MXI1: variants seen among roughly 807,000 people sequenced by gnomAD.
The protein encoded by MXI1 is max-interacting protein 1.
Under a neutral mutation model 36.9 loss-of-function variants are expected in MXI1, and 18 were observed. The ratio of observed to expected loss-of-function variants is 0.49; its 90% CI spans 0.34 to 0.72. The LOEUF (loss-of-function observed/expected upper bound fraction) is 0.72. Ranked by LOEUF, MXI1 falls within the 30% of genes least tolerant of loss-of-function variation. The pLI, the probability that MXI1 is intolerant of heterozygous loss-of-function variation, is 0.01. For missense variants in MXI1, 304 were observed against 379.1 expected, an observed-to-expected ratio of 0.80 and a Z score of 1.64; for synonymous variants, 160 against 146.7, an observed-to-expected ratio of 1.09 and a Z score of -0.65.
chr10:110,256,445 A>T (rs1423608639), intron 3 of MXI1, among the ~76,000 whole-genome samples: 2 of 151,490 alleles, frequency 1.3e-5, no homozygotes, highest in African/African-American at 4.9e-5. Context: ...CGCTACTAAA[A>T]ATACAAAATT....
intron 5 of MXI1, among the ~76,000 whole-genome samples, chr10:110,282,202 G>GTT (rs1263085579): frequency 6.6e-6 from 1 of 152,154 alleles, no homozygotes; most frequent in Non-Finnish European, 1.5e-5. Flanking sequence ...ATGAACTCAT[G>GTT]TTTTGCTGTA....
intron 2 of MXI1, among the ~76,000 whole-genome samples, chr10:110,235,679 C>G (rs188839405): frequency 1.4e-5 from 2 of 146,086 alleles, no homozygotes; most frequent in South Asian, 4.6e-4. Context: ...CAGAGCAAGA[C>G]TCTGTCTCAA....
At chr10:110,219,829 T>G (rs1414371756) in intron 1 of MXI1, among the ~76,000 whole-genome samples, 3 of 152,266 alleles carry the variant, frequency 2.0e-5, no homozygotes, top group Admixed American at 2.0e-4. Context: ...GAATATTTAT[T>G]GAATAAATGA....
At chr10:110,272,632 A>G (rs949538213) in intron 3 of MXI1, among the ~76,000 whole-genome samples, 38 of 152,074 alleles carry the variant, frequency 2.5e-4, no homozygotes, top group African/African-American at 9.1e-4. Context: ...TTTAATTCTT[A>G]TTTGTATACA....
rs1857436519 is a variant in MXI1 at position 110,286,918 on chromosome 10, CA to C, written c.*1933del. 1 of 152,192 alleles carries C rather than the reference CA, an allele frequency of 6.6e-6. No individual in the cohort carries two copies. The highest frequency in any genetic ancestry group is 1.5e-5 in the Non-Finnish European group (1 of 68,028). 9.4% of individuals were successfully genotyped at this position (152,192 alleles called of 1,614,324 possible). A position where few individuals can be genotyped will look rare whatever the true frequency, so the allele number is the denominator to read the frequency against. On this transcript the variant is annotated 3_prime_UTR_variant, in exon 6 of 6. Coordinates refer to ENST00000332674, the MANE Select transcript of MXI1 (RefSeq NM_130439.3). ...GGACTTAATGAAAAACAGGACAAAA[CA>C]ATTCCTTTTTGTGGCCCAGGTAAAT...
chr10:110,209,956 TGGA>T (rs1226200494), intron 1 of MXI1, among the ~76,000 whole-genome samples: 2 of 137,688 alleles, frequency 1.5e-5, no homozygotes, highest in African/African-American at 5.5e-5. Context: ...GCGAGGTGTA[TGGA>T]GGAGGCGGTC....
chr10:110,254,048 A>C (rs1280447876), intron 3 of MXI1, among the ~76,000 whole-genome samples: 2 of 152,130 alleles, frequency 1.3e-5, no homozygotes, highest in African/African-American at 2.4e-5. Flanking sequence ...AGAAAGAAGT[A>C]AAACCATTTC....
intron 2 of MXI1, among the ~76,000 whole-genome samples, chr10:110,236,807 A>G (rs1484928409): frequency 6.6e-6 from 1 of 152,236 alleles, no homozygotes; most frequent in Non-Finnish European, 1.5e-5. Flanking sequence ...TTTCTACAAC[A>G]GAGCCTGCTG....
rs1415436473 is a variant in MXI1 at position 110,279,419 on chromosome 10, GTCTT to G, written c.552+129_552+132del. The G allele has an allele frequency of 2.3e-5, 18 of 773,008 alleles. No individual in the cohort carries two copies. In the East Asian group the frequency reaches 4.7e-4, roughly 20 times the overall value. The allele number at this position is 773,008 out of a possible 1,614,324, so 47.9% of individuals were successfully genotyped here. ...TCCTTAATAACTGACCTCAAGAGAA[GTCTT>G]TCTAAAAACTTACCAGCTAATCTGA... On this transcript the variant is annotated intron_variant, in intron 4 of 5. Coordinates refer to ENST00000332674, the MANE Select transcript of MXI1 (RefSeq NM_130439.3).
intron 1 of MXI1, among the ~76,000 whole-genome samples, chr10:110,208,788 C>T (rs1174966629): frequency 1.3e-5 from 2 of 151,332 alleles, no homozygotes; most frequent in African/African-American, 4.9e-5. Context: ...GCAACGCCAG[C>T]AGCTCGCCCC....
chr10:110,277,237 G>A (rs998174810), intron 3 of MXI1, among the ~76,000 whole-genome samples: 5 of 152,204 alleles, frequency 3.3e-5, no homozygotes, highest in Non-Finnish European at 5.9e-5. Context: ...AGGTATTCTT[G>A]CGGTAATGTG....
intron 2 of MXI1, among the ~76,000 whole-genome samples, chr10:110,234,575 C>T (rs976211113): frequency 4.6e-5 from 7 of 152,198 alleles, no homozygotes; most frequent in African/African-American, 9.6e-5. Context: ...TGGTACCACT[C>T]GTTTTTCCCC....
Position 110,285,106 on chromosome 10 carries a change from A to G in MXI1, c.*119A>G, listed in dbSNP as rs1857397605. 1 of 1,008,298 alleles carries G rather than the reference A, an allele frequency of 9.9e-7. No individual in the cohort carries two copies. Among genetic ancestry groups the G allele is most frequent in the Middle Eastern group, 2.7e-4 (1 of 3,654 alleles). 62.5% of individuals were successfully genotyped at this position (1,008,298 alleles called of 1,614,324 possible). A position where few individuals can be genotyped will look rare whatever the true frequency, so the allele number is the denominator to read the frequency against. Reference sequence around the variant, plus strand: ...CTTTAAAACAAAACAAAACAAAACAAAACTATACTTGAACAAAAGGGTCAG... The same window carrying G: ...CTTTAAAACAAAACAAAACAAAACAGAACTATACTTGAACAAAAGGGTCAG... On this transcript the variant is annotated 3_prime_UTR_variant, in exon 6 of 6. Transcript: ENST00000332674.
At chr10:110,245,299 T>A (rs1274916322) in intron 3 of MXI1, among the ~76,000 whole-genome samples, 1 of 152,178 alleles carries the variant, frequency 6.6e-6, no homozygotes, top group Non-Finnish European at 1.5e-5. Flanking sequence ...GAGCTGTATG[T>A]CAGTGCCAGG....
chr10:110,235,503 T>C (rs539370559), intron 2 of MXI1, among the ~76,000 whole-genome samples: 10 of 151,796 alleles, frequency 6.6e-5, no homozygotes, highest in African/African-American at 2.2e-4. Context: ...CTGGCTAACA[T>C]GGGGAAACCC....
intron 1 of MXI1, among the ~76,000 whole-genome samples, chr10:110,224,723 C>G (rs768161717): frequency 5.6e-4 from 85 of 150,608 alleles, no homozygotes; most frequent in Non-Finnish European, 1.1e-3. Flanking sequence ...TCTCGGCTCA[C>G]TGCAACCTCC....
At position 110,279,902 on chromosome 10, in the gene MXI1, T is replaced by C. The variant is rs952695680; in HGVS notation, c.553-12T>C. The stretch of plus-strand genomic sequence containing the variant: ...ACTATACACAAATGTAAAAATCATT[T>C]CATCATTTCAGAAACTTGAAGAAGC... On this transcript the variant is annotated splice_polypyrimidine_tract_variant and intron_variant, in intron 4 of 5. Transcript: ENST00000332674. 6.3e-7 allele frequency: 1 copy of C among 1,596,146 alleles called. No homozygotes were observed. Among genetic ancestry groups the C allele is most frequent in the South Asian group, 1.1e-5 (1 of 88,370 alleles).
At chr10:110,219,432 AT>A (rs1422969001) in intron 1 of MXI1, among the ~76,000 whole-genome samples, 1 of 152,186 alleles carries the variant, frequency 6.6e-6, no homozygotes. Context: ...GGCCTTCATC[AT>A]TGCCGTTCGG....
rs373448657 is a variant in MXI1, at chr10:110,244,865, A to G, written c.437+8A>G. 1.2e-6 allele frequency: 2 copies of G among 1,607,340 alleles called. No individual in the cohort carries two copies. Among genetic ancestry groups the G allele is most frequent in the African/African-American group, 2.7e-5 (2 of 74,458 alleles). ...TGAGCTGGAAAAGAATCGGTGAGTC[A>G]GTGATGAGGTACAGCTTTCACTTAC... is the stretch of plus-strand genomic sequence containing the variant. On this transcript the variant is annotated splice_region_variant and intron_variant, in intron 3 of 5. Transcript: ENST00000332674.
Sources: allele counts gnomAD v4.1 joint callset (sites outside exome capture counted in the v4.1 genomes callset), GRCh38; gene constraint gnomAD v4.1.1; transcripts MANE v1.5; gene names NCBI Gene and HGNC (gene_info 2026-07-23, HGNC 2026-07-21).